PITPNM2: variants seen among roughly 807,000 people sequenced by gnomAD.
PITPNM2 encodes membrane-associated phosphatidylinositol transfer protein 2.
PITPNM2 carries 35 observed loss-of-function variants against 132.2 expected under a neutral mutation model. The ratio of observed to expected loss-of-function variants is 0.26; its 90% CI spans 0.20 to 0.35. The LOEUF is 0.35. Among genes scored for constraint, PITPNM2 ranks in the 10% least tolerant of loss-of-function variants. The pLI is 1.00. For synonymous variants in PITPNM2, 738 were observed against 799.2 expected, an observed-to-expected ratio of 0.92 and a Z score of 1.29; for missense variants, 1,332 against 1,912.0, an observed-to-expected ratio of 0.70 and a Z score of 5.66.
In PITPNM2 at chr12:122,989,923, G is replaced by A; in HGVS notation, c.2595C>T (p.Thr865=). The A allele has an allele frequency of 7.6e-7, 1 of 1,320,142 alleles. No homozygotes were observed. The highest frequency in any genetic ancestry group is 1.5e-5 in the African/African-American group (1 of 64,932). The allele number at this position is 1,320,142 out of a possible 1,614,324, so 81.8% of individuals were successfully genotyped here. ...GCAGGGACAGACGCCTGACGCTGGG[G>A]GTATGGCTGAGCGCATCGGGGGCCT... ...AQKAPDALSH[T]PSVRRLSLLA... Residue 865 remains threonine, a synonymous_variant, in exon 18 of 26, where the codon ACC becomes ACT. Coordinates refer to ENST00000320201, the MANE Select transcript of PITPNM2 (RefSeq NM_020845.3).
chr12:123,096,524 G>A (rs2042414333), intron 2 of PITPNM2, among the ~76,000 whole-genome samples: 1 of 152,200 alleles, frequency 6.6e-6, no homozygotes, highest in Admixed American at 6.5e-5. Flanking sequence ...GGGAAGATGG[G>A]GAGGGGGGCG....
chr12:123,111,934 G>A lies in PITPNM2; in HGVS notation c.-199-1446C>T, dbSNP rs970751393. Among the ~76,000 whole-genome samples the A allele has an allele frequency of 1.3e-5, 2 of 152,180 alleles. No homozygotes were observed. The highest frequency in any genetic ancestry group is 2.9e-5 in the Non-Finnish European group (2 of 68,034). On this transcript the variant is annotated intron_variant, in intron 1 of 25. Coordinates refer to ENST00000320201, the MANE Select transcript of PITPNM2 (RefSeq NM_020845.3). This position sits in a 1 kb window ranked among gnomAD's most constrained non-coding sequence, Gnocchi z 4.1. The stretch of plus-strand genomic sequence containing the variant: ...TTCGAGGTGAGGAAAGCTGTTGAGA[G>A]GGTTGAGGGTTTGCCATGGTAACGC...
chr12:123,086,648 A>G (rs1433769686), intron 2 of PITPNM2, among the ~76,000 whole-genome samples: 2 of 152,142 alleles, frequency 1.3e-5, no homozygotes, highest in African/African-American at 4.8e-5. Flanking sequence ...AAGCACAGAG[A>G]GGTTAGTGAC....
chr12:123,068,689 G>A lies in PITPNM2; in HGVS notation c.-95-34004C>T, dbSNP rs1480473471. 2.6e-5 allele frequency among the ~76,000 whole-genome samples: 4 copies of A among 152,100 alleles called. No homozygotes were observed. In the East Asian group the frequency reaches 7.7e-4, roughly 29 times the overall value. ...GACCCTCCCATAATGGGGAGCTGAGGGAGTTGGCCAAGACTTTTGGAAGCT... is the reference window on the plus strand; with the variant it reads ...GACCCTCCCATAATGGGGAGCTGAGAGAGTTGGCCAAGACTTTTGGAAGCT... On this transcript the variant is annotated intron_variant, in intron 2 of 25. Transcript: ENST00000320201.
At position 123,137,818 on chromosome 12, in the gene PITPNM2, G is replaced by A. The variant is rs1049651666; in HGVS notation, c.-200+12935C>T. On this transcript the variant is annotated intron_variant, in intron 1 of 25. Transcript: ENST00000320201. ...TGAGGCAGGAGAATCACTTGAACCC[G>A]GGAGATGGAGGCTGCAGTGAGCCAA... Among the ~76,000 whole-genome samples the A allele has an allele frequency of 4.0e-5, 6 of 150,878 alleles. No homozygotes were observed. The South Asian group carries it at 6.3e-4, about 16-fold the overall frequency.
At chr12:123,007,711 G>A (rs141291390) in intron 6 of PITPNM2, among the ~76,000 whole-genome samples, 77 of 152,288 alleles carry the variant, frequency 5.1e-4, no homozygotes, top group African/African-American at 1.8e-3. Flanking sequence ...TTCTGGGACT[G>A]TCTGCTGGCC....
At chr12:123,114,037 T>A (rs2042890168) in intron 1 of PITPNM2, among the ~76,000 whole-genome samples, 1 of 152,254 alleles carries the variant, frequency 6.6e-6, no homozygotes, top group African/African-American at 2.4e-5. Context: ...TCATTTCTTG[T>A]TATGATGGAG....
chr12:123,066,262 G>T (rs1184829769), intron 2 of PITPNM2, among the ~76,000 whole-genome samples: 1 of 152,148 alleles, frequency 6.6e-6, no homozygotes, highest in Non-Finnish European at 1.5e-5. Context: ...TGTCAAGATC[G>T]AGCAAGGGGA....
At chr12:123,016,509 G>A (rs1451041164) in intron 3 of PITPNM2, among the ~76,000 whole-genome samples, 1 of 151,670 alleles carries the variant, frequency 6.6e-6, no homozygotes, top group Admixed American at 6.6e-5. Flanking sequence ...TAGAGATGGG[G>A]TTTTACCATG....
rs770594179 is a variant in PITPNM2, at chr12:122,989,870, G to A, written c.2648C>T (p.Thr883Ile). 1 of 1,344,838 alleles carries A rather than the reference G, an allele frequency of 7.4e-7. No individual in the cohort carries two copies. Among genetic ancestry groups the A allele is most frequent in the Non-Finnish European group, 9.6e-7 (1 of 1,042,374 alleles). 83.3% of individuals were successfully genotyped at this position (1,344,838 alleles called of 1,614,324 possible). The stretch of plus-strand genomic sequence containing the variant: ...CCTGGCTGGAGGGTGGGGGCCAGGG[G>A]TGGTGGGGCTGGGGGCGGGCAGGGC... ...LLALPAPSPT[T>I]PGPHPPARKA... is the part of the protein sequence containing the mutation. Residue 883 changes from threonine (T) to isoleucine (I), a missense_variant, in exon 18 of 26, where the codon ACC (threonine) becomes ATC (isoleucine). This residue lies in a region of PITPNM2 where 710 missense variants were observed against 911.5 expected (regional missense o/e 0.78). Transcript: ENST00000320201.
intron 2 of PITPNM2, among the ~76,000 whole-genome samples, chr12:123,070,322 G>A (rs2041585364): frequency 6.6e-6 from 1 of 152,216 alleles, no homozygotes; most frequent in South Asian, 2.1e-4. Context: ...TCCCTGGCCT[G>A]TGTGGGCCTT....
At chr12:123,001,244 C>A in intron 8 of PITPNM2, 86 bp from the exon 9 acceptor site, 2 of 1,016,792 alleles carry the variant, frequency 2.0e-6, no homozygotes, top group Non-Finnish European at 3.1e-6. Flanking sequence ...CTGTGTACGG[C>A]TCTGCTCTGA....
chr12:122,997,337 G>T lies in PITPNM2; in HGVS notation c.1460C>A (p.Ala487Asp). 6.2e-7 allele frequency: 1 copy of T among 1,612,956 alleles called. No individual in the cohort carries two copies. Among genetic ancestry groups the T allele is most frequent in the Non-Finnish European group, 8.5e-7 (1 of 1,179,918 alleles). ...AGATGCCACTCACTTGGAGACCAGG[G>T]CAAAGGCGTCAGAGCAGACGGGCGG... ...PCPPVCSDAF[A>D]LVSNLSPYSH... Residue 487 changes from alanine (A) to aspartate (D), a missense_variant, in exon 11 of 26, where the codon GCC becomes GAC. Physicochemically the swap from Ala to Asp is moderately radical, Grantham distance 126. Around this residue, in one of 6 missense-constraint regions of PITPNM2, gnomAD observed 710 missense variants for 911.5 expected, o/e 0.78. Transcript: ENST00000320201.
rs543834790 is a variant in PITPNM2, at chr12:123,115,048, C to T, written c.-199-4560G>A. On this transcript the variant is annotated intron_variant, in intron 1 of 25. Transcript: ENST00000320201. ...CCAGCTCCCTGCATGCTGCTCCAGG[C>T]CCTTCTGAGGCTGGGTCTCCATCCT... 2.0e-5 allele frequency among the ~76,000 whole-genome samples: 3 copies of T among 152,266 alleles called. No homozygotes were observed. In the South Asian group the frequency reaches 6.2e-4, roughly 32 times the overall value.
In PITPNM2 at chr12:122,987,215, G is replaced by A. The variant is rs1017405524; in HGVS notation, c.3413+66C>T. ...AGGCTCCGCTGTCCTCCTCCACCTG[G>A]CTGGTGGGAGCCCCTGAGCCCACCC... On this transcript the variant is annotated intron_variant, in intron 23 of 25. Transcript: ENST00000320201. 5.7e-6 allele frequency: 9 copies of A among 1,590,050 alleles called. No individual in the cohort carries two copies. In the African/African-American group the frequency reaches 1.2e-4, roughly 21 times the overall value.
Position 122,988,463 on chromosome 12 carries a change from G to C in PITPNM2, c.2881-113C>G, listed in dbSNP as rs2038034702. On this transcript the variant is annotated intron_variant, in intron 19 of 25. Coordinates refer to ENST00000320201, the MANE Select transcript of PITPNM2 (RefSeq NM_020845.3). ...AAGAGGAGCCTGTGGGTTGTAGGGG[G>C]TGTTCTTCAACTCACTACTGTCTGC... 23 of 925,724 alleles carry C rather than the reference G, an allele frequency of 2.5e-5. No individual in the cohort carries two copies. The South Asian group carries it at 3.3e-4, about 13-fold the overall frequency. 57.3% of individuals were successfully genotyped at this position (925,724 alleles called of 1,614,324 possible). A position where few individuals can be genotyped will look rare whatever the true frequency, so the allele number is the denominator to read the frequency against.
At chr12:123,084,741 CA>C (rs1199146806) in intron 2 of PITPNM2, 1 of 152,156 alleles carries the variant, frequency 6.6e-6, no homozygotes, top group African/African-American at 2.4e-5. Context: ...TCAGTTCTAC[CA>C]ATTTCCCAGC....
chr12:123,028,191 G>A (rs535314403), intron 3 of PITPNM2, among the ~76,000 whole-genome samples: 1 of 152,324 alleles, frequency 6.6e-6, no homozygotes, highest in African/African-American at 2.4e-5. Context: ...CACATTCGCT[G>A]AACACCTCGG....
At chr12:123,065,536 C>G (rs2041383664) in intron 2 of PITPNM2, among the ~76,000 whole-genome samples, 1 of 152,240 alleles carries the variant, frequency 6.6e-6, no homozygotes, top group African/African-American at 2.4e-5. Context: ...GCTGACACAC[C>G]TTGTCCCAGC....
Sources: gnomAD v4.1 joint callset for allele counts (sites outside exome capture counted in the v4.1 genomes callset) on GRCh38, gnomAD v4.1.1 for gene constraint, gnomAD v4.1.1 regional missense constraint, Gnocchi (gnomAD v3.1) non-coding constraint, MANE v1.5 for transcripts, NCBI Gene and HGNC (gene_info 2026-07-23, HGNC 2026-07-21) for gene names.